The following PRDM5 variants were observed in gnomAD, a reference collection of about 807,000 sequenced individuals.
PRDM5 encodes the protein PR domain zinc finger protein 5.
Under a neutral mutation model 81.2 loss-of-function variants are expected in PRDM5, and 56 were observed. That is an observed-to-expected ratio of 0.69 (90% CI 0.56 to 0.86). The LOEUF (loss-of-function observed/expected upper bound fraction) is 0.86, where lower values mean the gene tolerates loss of function less well. Ranked by LOEUF, PRDM5 falls within the 40% of genes least tolerant of loss-of-function variation. The pLI is 0.00. For synonymous variants in PRDM5, 267 were observed against 256.4 expected (o/e 1.04, Z -0.39); for missense variants, 697 against 770.1 (o/e 0.91, Z 1.12).
Position 120,697,455 on chromosome 4 carries a change from A to G in PRDM5, c.1729-2180T>C, listed in dbSNP as rs777289292. On this transcript the variant is annotated intron_variant, in intron 15 of 15. Coordinates refer to ENST00000264808, the MANE Select transcript of PRDM5 (RefSeq NM_018699.4). Reference sequence around the variant, plus strand: ...CTTATTTGGCCAATTAAAATTAATAAGCATATTCATTTTGATATAATCAGA... The same window carrying G: ...CTTATTTGGCCAATTAAAATTAATAGGCATATTCATTTTGATATAATCAGA... Among the ~76,000 whole-genome samples the G allele has an allele frequency of 2.5e-4, 38 of 152,272 alleles. No individual in the cohort carries two copies. The Middle Eastern group carries it at 0.01, about 41-fold the overall frequency.
chr4:120,854,501 A>G (rs1329292766), intron 2 of PRDM5, among the ~76,000 whole-genome samples: 1 of 152,094 alleles, frequency 6.6e-6, no homozygotes, highest in Non-Finnish European at 1.5e-5. Context: ...CCAAAATTTT[A>G]TTTTATAAAA....
chr4:120,755,686 C>G (rs767123606), intron 13 of PRDM5, among the ~76,000 whole-genome samples: 2 of 152,104 alleles, frequency 1.3e-5, no homozygotes, highest in Admixed American at 6.5e-5. Context: ...TTCAACAAGG[C>G]CTTCCTTGAC....
At chr4:120,771,872 T>C (rs1177039752) in intron 13 of PRDM5, among the ~76,000 whole-genome samples, 1 of 152,230 alleles carries the variant, frequency 6.6e-6, no homozygotes, top group Non-Finnish European at 1.5e-5. Flanking sequence ...AGTGATATTA[T>C]AGAAGAATTT....
At chr4:120,707,239 A>G (rs1320670152) in intron 15 of PRDM5, among the ~76,000 whole-genome samples, 1 of 152,142 alleles carries the variant, frequency 6.6e-6, no homozygotes, top group Non-Finnish European at 1.5e-5. Context: ...ATCATGACCA[A>G]TGGAGATTTA....
chr4:120,816,281 T>C (rs559846353), intron 7 of PRDM5, 172 bp downstream of exon 7: 366 of 994,028 alleles, frequency 3.7e-4, no homozygotes, highest in Middle Eastern at 2.3e-3. Flanking sequence ...AAATTCAACC[T>C]GAGAAAGAAA....
At chr4:120,763,220 G>A (rs1012049192) in intron 13 of PRDM5, among the ~76,000 whole-genome samples, 2 of 152,014 alleles carry the variant, frequency 1.3e-5, no homozygotes, top group African/African-American at 2.4e-5. Context: ...CTTTTCAGTC[G>A]GAAATCATAA....
intron 13 of PRDM5, among the ~76,000 whole-genome samples, chr4:120,773,267 G>A (rs1048795047): frequency 6.6e-6 from 1 of 151,912 alleles, no homozygotes; most frequent in Non-Finnish European, 1.5e-5. Context: ...AAAGAAGTGA[G>A]CCTGTCATTG....
intron 14 of PRDM5, among the ~76,000 whole-genome samples, chr4:120,712,068 C>CA: frequency 6.6e-6 from 1 of 151,996 alleles, no homozygotes; most frequent in African/African-American, 2.4e-5. Context: ...GACGAATTAT[C>CA]TGAGGTCAGC....
At chr4:120,793,741 C>T (rs1360025287) in intron 10 of PRDM5, among the ~76,000 whole-genome samples, 1 of 152,052 alleles carries the variant, frequency 6.6e-6, no homozygotes, top group Admixed American at 6.6e-5. Flanking sequence ...ACATGCTTAT[C>T]CTTTTTGTGT....
At chr4:120,792,876 G>A (rs1750784230) in intron 10 of PRDM5, among the ~76,000 whole-genome samples, 1 of 152,154 alleles carries the variant, frequency 6.6e-6, no homozygotes, top group South Asian at 2.1e-4. Flanking sequence ...CAGAAGCAGA[G>A]GGTAGAACGG....
chr4:120,705,444 C>A (rs1231381372), intron 15 of PRDM5, among the ~76,000 whole-genome samples: 1 of 152,112 alleles, frequency 6.6e-6, no homozygotes, highest in Non-Finnish European at 1.5e-5. Flanking sequence ...AGCACATGAG[C>A]AGGCCATGAA....
chr4:120,689,916 C>T (rs1171343880), downstream of PRDM5, among the ~76,000 whole-genome samples: 1 of 152,002 alleles, frequency 6.6e-6, no homozygotes, highest in Non-Finnish European at 1.5e-5. Flanking sequence ...TGTCCAGCCT[C>T]AAAATTCTTA....
In PRDM5 at chr4:120,715,383, A is replaced by G. The variant is rs1241997937; in HGVS notation, c.1624-4970T>C. Among the ~76,000 whole-genome samples the G allele has an allele frequency of 2.0e-5, 3 of 152,170 alleles. No individual in the cohort carries two copies. In the East Asian group the frequency reaches 5.8e-4, roughly 29 times the overall value. On this transcript the variant is annotated intron_variant, in intron 14 of 15. Coordinates refer to ENST00000264808, the MANE Select transcript of PRDM5 (RefSeq NM_018699.4). ...AGTAACTATGTGTGTAATTTTAAAGATGTAAAAAAATATGTTTAATGAGTC... is the reference window on the plus strand; with the variant it reads ...AGTAACTATGTGTGTAATTTTAAAGGTGTAAAAAAATATGTTTAATGAGTC...
Position 120,721,884 on chromosome 4 carries a change from G to A in PRDM5, c.1624-11471C>T, listed in dbSNP as rs59937895. ...TCTAAGCCACTATTATCTGTAAAAGGTATAATTGCCCTGTTGACAGGCTCA... is the reference window on the plus strand; with the variant it reads ...TCTAAGCCACTATTATCTGTAAAAGATATAATTGCCCTGTTGACAGGCTCA... On this transcript the variant is annotated intron_variant, in intron 14 of 15. Transcript: ENST00000264808. 8.5e-5 allele frequency among the ~76,000 whole-genome samples: 13 copies of A among 152,346 alleles called. No homozygotes were observed. The East Asian group carries it at 2.3e-3, about 27-fold the overall frequency.
At chr4:120,834,742 A>G (rs1013526143) in intron 3 of PRDM5, among the ~76,000 whole-genome samples, 3 of 152,302 alleles carry the variant, frequency 2.0e-5, no homozygotes, top group African/African-American at 4.8e-5. Flanking sequence ...GCCTCATCCA[A>G]TCAGTGGAAG....
intron 14 of PRDM5, among the ~76,000 whole-genome samples, chr4:120,748,575 AG>A (rs1743490926): frequency 6.6e-6 from 1 of 151,840 alleles, no homozygotes; most frequent in Non-Finnish European, 1.5e-5. Context: ...CAGGAGTTCA[AG>A]GTTGCAGTAC....
chr4:120,894,597 G>A (rs781326729), intron 2 of PRDM5, among the ~76,000 whole-genome samples: 3 of 152,104 alleles, frequency 2.0e-5, no homozygotes, highest in Non-Finnish European at 4.4e-5. Flanking sequence ...TATCTGTTCT[G>A]AGGAAAACAG....
chr4:120,911,509 T>G (rs1322074074), intron 1 of PRDM5, among the ~76,000 whole-genome samples: 1 of 152,224 alleles, frequency 6.6e-6, no homozygotes, highest in Non-Finnish European at 1.5e-5. Context: ...TTCTATTCAC[T>G]GGACTAGACA....
intron 14 of PRDM5, among the ~76,000 whole-genome samples, chr4:120,711,564 C>T (rs1484142981): frequency 6.6e-6 from 1 of 151,890 alleles, no homozygotes; most frequent in Non-Finnish European, 1.5e-5. Context: ...CCTGCTTTGG[C>T]CTCCCAAAGT....
Sources: gnomAD v4.1 joint callset for allele counts (sites outside exome capture counted in the v4.1 genomes callset) on GRCh38, gnomAD v4.1.1 for gene constraint, MANE v1.5 for transcripts, NCBI Gene and HGNC (gene_info 2026-07-23, HGNC 2026-07-21) for gene names.